Variants in TBC1D12 observed in about 807,000 individuals in gnomAD.
TBC1D12 encodes the protein TBC1 domain family, member 12.
In TBC1D12, 56 loss-of-function variants were observed where a neutral mutation model predicts 86.7. That is an observed-to-expected ratio of 0.65 (90% CI 0.52 to 0.81). The LOEUF (loss-of-function observed/expected upper bound fraction) is 0.81. Among genes scored for constraint, TBC1D12 ranks in the 30% least tolerant of loss-of-function variants. The pLI, the probability that TBC1D12 is intolerant of heterozygous loss-of-function variation, is 0.00. For synonymous variants in TBC1D12, 421 were observed against 411.7 expected (o/e 1.02, Z -0.27); for missense variants, 1,023 against 1,038.8 (o/e 0.98, Z 0.21).
intron 11 of TBC1D12, among the ~76,000 whole-genome samples, chr10:94,526,443 A>G (rs1292700181): frequency 1.3e-5 from 2 of 152,040 alleles, no homozygotes; most frequent in African/African-American, 2.4e-5. Context: ...AAAAAAAAAA[A>G]AAAAGAAAGA....
In TBC1D12 at chr10:94,471,156, A is replaced by G. The variant is rs187828633; in HGVS notation, c.1096-3512A>G. ...CCGGGCATGGTGGCACATGCCTGTA[A>G]TCTCAGCTACTCAGGAGGCCAAGGC... On this transcript the variant is annotated intron_variant, in intron 2 of 12. Transcript: ENST00000225235. 2.7e-3 allele frequency among the ~76,000 whole-genome samples: 410 copies of G among 152,022 alleles called. 2 individuals carry two copies. The highest frequency in any genetic ancestry group is 4.5e-3 in the Non-Finnish European group (303 of 67,978).
intron 11 of TBC1D12, among the ~76,000 whole-genome samples, chr10:94,523,203 A>AC (rs1328549371): frequency 1.7e-4 from 25 of 149,530 alleles, no homozygotes; most frequent in African/African-American, 5.6e-4. Context: ...AAAAAAAAAA[A>AC]AAAAAAAAAA....
intron 9 of TBC1D12, among the ~76,000 whole-genome samples, chr10:94,520,095 G>A (rs2134220887): frequency 6.6e-6 from 1 of 152,348 alleles, no homozygotes; most frequent in Admixed American, 6.5e-5. Context: ...GAAATAAGAT[G>A]AGAACAAAGA....
intron 2 of TBC1D12, among the ~76,000 whole-genome samples, chr10:94,462,932 A>G (rs1342756201): frequency 2.0e-5 from 3 of 152,058 alleles, no homozygotes; most frequent in Admixed American, 1.3e-4. Flanking sequence ...ATTATTTACT[A>G]TCCACTTGCT....
chr10:94,516,374 T>C (rs2056591665), intron 9 of TBC1D12, among the ~76,000 whole-genome samples: 1 of 152,106 alleles, frequency 6.6e-6, no homozygotes, highest in African/African-American at 2.4e-5. Flanking sequence ...ACAAAACAAA[T>C]TTATTTTTTT....
At chr10:94,495,026 T>G (rs2056296798) in intron 4 of TBC1D12, among the ~76,000 whole-genome samples, 1 of 117,442 alleles carries the variant, frequency 8.5e-6, no homozygotes, top group Non-Finnish European at 1.9e-5. Context: ...CACACCCAGC[T>G]CTTTTTTTTT....
intron 1 of TBC1D12, among the ~76,000 whole-genome samples, chr10:94,441,559 A>C (rs1007132361): frequency 1.3e-5 from 2 of 152,068 alleles, no homozygotes; most frequent in Non-Finnish European, 2.9e-5. Flanking sequence ...GATTCTTCTA[A>C]TACCTCTATA....
chr10:94,476,675 G>A lies in TBC1D12; in HGVS notation c.1211+1892G>A, dbSNP rs541287415. Reference sequence around the variant, plus strand: ...TCCGAAATGGATTATGCTTTTTACCGGGAATGTTAATTTCTTCCCAGAAAG... The same window carrying A: ...TCCGAAATGGATTATGCTTTTTACCAGGAATGTTAATTTCTTCCCAGAAAG... On this transcript the variant is annotated intron_variant, in intron 3 of 12. Transcript: ENST00000225235. Among the ~76,000 whole-genome samples, 7 of 152,192 alleles carry A rather than the reference G, an allele frequency of 4.6e-5. No homozygotes were observed. In the East Asian group the frequency reaches 5.8e-4, roughly 13 times the overall value.
In TBC1D12 at chr10:94,528,164, G is replaced by T. The variant is rs545061333; in HGVS notation, c.2001-3038G>T. On this transcript the variant is annotated intron_variant, in intron 11 of 12. Transcript: ENST00000225235. ...TTTTATGGAATCTATAGATTATATT[G>T]GGTAGTATTGTCATTTGAACAATAT... Among the ~76,000 whole-genome samples the T allele has an allele frequency of 7.9e-5, 12 of 151,964 alleles. No homozygotes were observed. The East Asian group carries it at 2.3e-3, about 29-fold the overall frequency.
chr10:94,513,202 G>A (rs901956240), intron 9 of TBC1D12, among the ~76,000 whole-genome samples: 21 of 148,304 alleles, frequency 1.4e-4, no homozygotes, highest in Admixed American at 2.7e-4. Context: ...AGCCAAGATC[G>A]TGCCACTGCA....
At chr10:94,434,157 G>C (rs2055259378) in intron 1 of TBC1D12, among the ~76,000 whole-genome samples, 1 of 152,166 alleles carries the variant, frequency 6.6e-6, no homozygotes, top group Non-Finnish European at 1.5e-5. Flanking sequence ...AGAAGATGAT[G>C]CCCAATGCAG....
At chr10:94,514,438 C>T (rs1008911817) in intron 9 of TBC1D12, among the ~76,000 whole-genome samples, 2 of 152,210 alleles carry the variant, frequency 1.3e-5, no homozygotes, top group African/African-American at 4.8e-5. Flanking sequence ...ACCCCCAAGC[C>T]TCTGGTAACC....
intron 5 of TBC1D12, among the ~76,000 whole-genome samples, chr10:94,499,143 C>T (rs1356151536): frequency 6.6e-6 from 1 of 152,156 alleles, no homozygotes; most frequent in African/African-American, 2.4e-5. Context: ...CATCAGCTCA[C>T]GTATTTCTCA....
chr10:94,536,288 C>A lies in TBC1D12; in HGVS notation c.*3192C>A, dbSNP rs1842536318. Reference sequence around the variant, plus strand: ...GTCTACTCAATATATATATTTCTTACTTAATGTTCCTTTAGTCCAGGTCTA... The same window carrying A: ...GTCTACTCAATATATATATTTCTTAATTAATGTTCCTTTAGTCCAGGTCTA... On this transcript the variant is annotated 3_prime_UTR_variant, in exon 13 of 13. Coordinates refer to ENST00000225235, the MANE Select transcript of TBC1D12 (RefSeq NM_015188.2). 6.6e-6 allele frequency among the ~76,000 whole-genome samples: 1 copy of A among 151,916 alleles called. No homozygotes were observed.
intron 1 of TBC1D12, among the ~76,000 whole-genome samples, chr10:94,422,185 GTTTTTTT>G (rs57798611): frequency 9.4e-6 from 1 of 106,818 alleles, no homozygotes. Context: ...GGTTCATGTA[GTTTTTTT>G]TTTTTTTTTT....
rs35912130 is a variant in TBC1D12 at position 94,523,043 on chromosome 10, C to CAA, written c.2000+609_2000+610dup. Among the ~76,000 whole-genome samples, 281 of 64,466 alleles carry CAA rather than the reference C, an allele frequency of 4.4e-3. 4 individuals carry two copies. The highest frequency in any genetic ancestry group is 6.7e-3 in the South Asian group (11 of 1,646). The allele number at this position is 64,466 out of a possible 152,430, so 42.3% of individuals were successfully genotyped here. A position where few individuals can be genotyped will look rare whatever the true frequency, so the allele number is the denominator to read the frequency against. On this transcript the variant is annotated intron_variant, in intron 11 of 12. Coordinates refer to ENST00000225235, the MANE Select transcript of TBC1D12 (RefSeq NM_015188.2). ...CTGGTGACAGATCGAGACTCCAGCTCAAAAAAAAAAAAAAAAAAAAGAACT... is the reference window on the plus strand; with the variant it reads ...CTGGTGACAGATCGAGACTCCAGCTCAAAAAAAAAAAAAAAAAAAAAAGAACT...
chr10:94,515,158 C>G (rs529995319), intron 9 of TBC1D12, among the ~76,000 whole-genome samples: 3 of 151,604 alleles, frequency 2.0e-5, no homozygotes, highest in African/African-American at 7.3e-5. Context: ...CCGCCCGCCT[C>G]GGCCTCCCAA....
intron 2 of TBC1D12, among the ~76,000 whole-genome samples, chr10:94,467,475 G>A (rs1045283173): frequency 2.0e-5 from 3 of 151,990 alleles, no homozygotes; most frequent in Non-Finnish European, 2.9e-5. Context: ...CAGGTGAGCC[G>A]CCCGCCTTGG....
At chr10:94,497,728 C>T (rs1009404288) in intron 5 of TBC1D12, among the ~76,000 whole-genome samples, 4 of 148,142 alleles carry the variant, frequency 2.7e-5, no homozygotes, top group Non-Finnish European at 5.9e-5. Flanking sequence ...GGGGTTTCAC[C>T]GTGGTGTCTG....
Sources: allele counts gnomAD v4.1 joint callset (sites outside exome capture counted in the v4.1 genomes callset), GRCh38; gene constraint gnomAD v4.1.1; transcripts MANE v1.5; gene names NCBI Gene and HGNC (gene_info 2026-07-23, HGNC 2026-07-21).